RARB: variants seen among roughly 807,000 people sequenced by gnomAD.
RARB encodes the protein HBV-activated protein.
RARB carries 17 observed loss-of-function variants against 51.9 expected under a neutral mutation model. The ratio of observed to expected loss-of-function variants is 0.33; its 90% CI spans 0.22 to 0.49. The LOEUF is 0.49. Among genes scored for constraint, RARB ranks in the 20% least tolerant of loss-of-function variants. The pLI is 0.99. For synonymous variants in RARB, 215 were observed against 195.4 expected (o/e 1.10, Z -0.84); for missense variants, 369 against 550.8 (o/e 0.67, Z 3.30).
intron 3 of RARB, among the ~76,000 whole-genome samples, chr3:25,519,376 C>G (rs889623660): frequency 6.6e-6 from 1 of 152,028 alleles, no homozygotes; most frequent in African/African-American, 2.4e-5. Flanking sequence ...GCCATTTTAC[C>G]CTCCATCAGC....
At chr3:25,297,104 T>C (rs867942760) in intron 5 of RARB, among the ~76,000 whole-genome samples, 7 of 152,260 alleles carry the variant, frequency 4.6e-5, no homozygotes, top group South Asian at 2.1e-4. Context: ...GTTCCATGTA[T>C]ATAAACTTCA....
intron 5 of RARB, among the ~76,000 whole-genome samples, chr3:25,308,640 G>T (rs1008233370): frequency 1.3e-5 from 2 of 151,950 alleles, no homozygotes; most frequent in Non-Finnish European, 1.5e-5. Flanking sequence ...GTAGGACAGG[G>T]TTTCACCATG....
intron 3 of RARB, among the ~76,000 whole-genome samples, chr3:25,550,817 C>G (rs1335242487): frequency 6.6e-6 from 1 of 152,154 alleles, no homozygotes; most frequent in Non-Finnish European, 1.5e-5. Flanking sequence ...TCAGCTCCCA[C>G]TTATAAGTGA....
chr3:25,123,588 C>T (rs780027957), intron 3 of RARB, among the ~76,000 whole-genome samples: 1 of 152,170 alleles, frequency 6.6e-6, no homozygotes, highest in African/African-American at 2.4e-5. Flanking sequence ...TATAACCTAA[C>T]ACCTAATTGC....
chr3:25,207,267 TC>T (rs1434573911), intron 5 of RARB, among the ~76,000 whole-genome samples: 1 of 152,172 alleles, frequency 6.6e-6, no homozygotes, highest in African/African-American at 2.4e-5. Context: ...TGAGAAAATC[TC>T]TGTGATCCTC....
At chr3:25,167,384 G>A (rs577975579) in intron 4 of RARB, among the ~76,000 whole-genome samples, 5 of 152,310 alleles carry the variant, frequency 3.3e-5, no homozygotes, top group African/African-American at 9.6e-5. Context: ...ACAAGAAATG[G>A]CACCAACTTT....
intron 3 of RARB, among the ~76,000 whole-genome samples, chr3:25,507,942 G>T (rs1281988299): frequency 6.6e-6 from 1 of 152,162 alleles, no homozygotes. Context: ...TACTGTTGCT[G>T]CCACCCCCTC....
chr3:25,213,079 A>G (rs1276234729), intron 5 of RARB, among the ~76,000 whole-genome samples: 1 of 152,010 alleles, frequency 6.6e-6, no homozygotes, highest in East Asian at 1.9e-4. Context: ...GTATTTTTTT[A>G]ACTGTTAAAT....
chr3:25,187,889 C>T (rs1159969943), intron 5 of RARB, among the ~76,000 whole-genome samples: 1 of 152,008 alleles, frequency 6.6e-6, no homozygotes, highest in African/African-American at 2.4e-5. Flanking sequence ...TTTGAGACAA[C>T]ACAGATATTA....
intron 2 of RARB, among the ~76,000 whole-genome samples, chr3:25,497,251 T>G (rs957361090): frequency 2.0e-5 from 3 of 147,132 alleles, no homozygotes; most frequent in Non-Finnish European, 4.5e-5. Context: ...CCAACTTCAG[T>G]GCAGCACAGA....
chr3:25,518,838 T>A (rs922935515), intron 3 of RARB, among the ~76,000 whole-genome samples: 13 of 152,220 alleles, frequency 8.5e-5, no homozygotes, highest in Non-Finnish European at 1.9e-4. Flanking sequence ...TTAAGTGTAC[T>A]GTTTAGTAAG....
intron 5 of RARB, among the ~76,000 whole-genome samples, chr3:25,591,285 C>A (rs1701601313): frequency 6.6e-6 from 1 of 152,198 alleles, no homozygotes; most frequent in African/African-American, 2.4e-5. Flanking sequence ...TCTACCACCC[C>A]TCCCAATATA....
intron 2 of RARB, among the ~76,000 whole-genome samples, chr3:24,942,826 A>G (rs559503749): frequency 1.3e-5 from 2 of 152,308 alleles, no homozygotes; most frequent in African/African-American, 2.4e-5. Flanking sequence ...TATGGATTCA[A>G]TATCTGAATT....
chr3:25,594,589 T>G lies in RARB; in HGVS notation c.1061T>G (p.Ile354Ser). 1 of 1,613,704 alleles carries G rather than the reference T, an allele frequency of 6.2e-7. No homozygotes were observed. The highest frequency in any genetic ancestry group is 8.5e-7 in the Non-Finnish European group (1 of 1,179,830). The change falls in exon 7 of 8, where the codon ATT (isoleucine) becomes AGT (serine). Residue 354 changes from isoleucine to serine, a missense_variant. Around this residue, in one of 9 missense-constraint regions of RARB, gnomAD observed 76 missense variants for 153.3 expected, o/e 0.50. Coordinates refer to ENST00000330688, the MANE Select transcript of RARB (RefSeq NM_000965.5). ...GAACCATTGCTGGAAGCACTAAAAA[T>G]TTATATCAGAAAAAGACGACCCAGC... is the stretch of plus-strand genomic sequence containing the variant. The part of the protein sequence containing the change: ...LQEPLLEALK[I>S]YIRKRRPSKP...
chr3:25,071,387 A>G (rs1414548386), intron 3 of RARB, among the ~76,000 whole-genome samples: 1 of 152,176 alleles, frequency 6.6e-6, no homozygotes, highest in Non-Finnish European at 1.5e-5. Flanking sequence ...ACTTTGCAGA[A>G]ACACAACCAC....
intron 1 of RARB, among the ~76,000 whole-genome samples, chr3:25,455,229 G>T (rs1049974016): frequency 2.0e-5 from 3 of 152,176 alleles, no homozygotes; most frequent in Non-Finnish European, 4.4e-5. Flanking sequence ...TTTTTTTAAA[G>T]AGTTGGAGCT....
chr3:24,943,527 C>A (rs1695714124), intron 2 of RARB, among the ~76,000 whole-genome samples: 1 of 152,126 alleles, frequency 6.6e-6, no homozygotes, highest in Non-Finnish European at 1.5e-5. Flanking sequence ...ACATGCTAAG[C>A]ATTCTGAGCT....
chr3:24,997,867 G>C (rs1697076146), intron 2 of RARB, among the ~76,000 whole-genome samples: 1 of 151,452 alleles, frequency 6.6e-6, no homozygotes, highest in Non-Finnish European at 1.5e-5. Context: ...CCAACTTCTT[G>C]ATTGAGTTGT....
chr3:25,354,684 A>G (rs983857354), intron 5 of RARB, among the ~76,000 whole-genome samples: 16 of 152,100 alleles, frequency 1.1e-4, no homozygotes, highest in Non-Finnish European at 1.5e-5. Context: ...ATTCTGAGTA[A>G]AATGCCTCAG....
Sources: allele counts gnomAD v4.1 joint callset (sites outside exome capture counted in the v4.1 genomes callset), GRCh38; gene constraint gnomAD v4.1.1; regional missense constraint gnomAD v4.1.1; transcripts MANE v1.5; gene names NCBI Gene and HGNC (gene_info 2026-07-23, HGNC 2026-07-21).